Variants in CMYA5 observed in about 807,000 individuals in gnomAD.
The protein encoded by CMYA5 is cardiomyopathy-associated protein 5.
CMYA5 carries 246 observed loss-of-function variants against 318.9 expected under a neutral mutation model. The ratio of observed to expected loss-of-function variants is 0.77; its 90% CI spans 0.70 to 0.86. The LOEUF (loss-of-function observed/expected upper bound fraction) is 0.86. Ranked by LOEUF, CMYA5 falls within the 40% of genes least tolerant of loss-of-function variation. The pLI, the probability that CMYA5 is intolerant of heterozygous loss-of-function variation, is 0.00. For synonymous variants in CMYA5, 1,641 were observed against 1,729.5 expected, an observed-to-expected ratio of 0.95 and a Z score of 1.27; for missense variants, 4,589 against 4,678.2, an observed-to-expected ratio of 0.98 and a Z score of 0.56.
intron 2 of CMYA5, among the ~76,000 whole-genome samples, chr5:79,743,302 C>A (rs909514387): frequency 1.3e-5 from 2 of 152,114 alleles, no homozygotes; most frequent in South Asian, 2.1e-4. Context: ...GTATTTTAAC[C>A]CTTTGAGGGT....
chr5:79,753,272 C>T (rs553343453), intron 6 of CMYA5, among the ~76,000 whole-genome samples: 55 of 152,248 alleles, frequency 3.6e-4, no homozygotes, highest in Admixed American at 3.6e-3. Context: ...CAGCTCAGCA[C>T]CATGGTCTGT....
Position 79,733,848 on chromosome 5 carries a change from C to G in CMYA5, c.5083C>G (p.Pro1695Ala). The change falls in exon 2 of 13, where the codon CCT (proline) becomes GCT (alanine). Residue 1695 changes from proline to alanine, a missense_variant. Physicochemically the swap from Pro to Ala is conservative, Grantham distance 27. This residue lies in a region of CMYA5 where 2,132 missense variants were observed against 2,131.3 expected (regional missense o/e 1.00). Coordinates refer to ENST00000446378, the MANE Select transcript of CMYA5 (RefSeq NM_153610.5). ...AGAGCTTTGTGCATCTTCTACGATGCCTGCAATTTCAGAGCTTTCATCATT... is the reference window on the plus strand; with the variant it reads ...AGAGCTTTGTGCATCTTCTACGATGGCTGCAATTTCAGAGCTTTCATCATT... ...NRELCASSTM[P>A]AISELSSLLR... 1 of 1,613,614 alleles carries G rather than the reference C, an allele frequency of 6.2e-7. No individual in the cohort carries two copies. Among genetic ancestry groups the G allele is most frequent in the Non-Finnish European group, 8.5e-7 (1 of 1,179,816 alleles).
chr5:79,696,771 C>T (rs763272410), intron 1 of CMYA5, among the ~76,000 whole-genome samples: 2 of 152,046 alleles, frequency 1.3e-5, no homozygotes, highest in East Asian at 3.9e-4. Context: ...TTAGGGAGGC[C>T]GAGACGGGCA....
rs1324184935 is a variant in CMYA5, at chr5:79,742,066, T to C, written c.10639-1761T>C. 4.5e-4 allele frequency among the ~76,000 whole-genome samples: 20 copies of C among 44,082 alleles called. No individual in the cohort carries two copies. The African/African-American group carries it at 5.3e-3, about 12-fold the overall frequency. 28.9% of individuals were successfully genotyped at this position (44,082 alleles called of 152,430 possible). On this transcript the variant is annotated intron_variant, in intron 2 of 12. Coordinates refer to ENST00000446378, the MANE Select transcript of CMYA5 (RefSeq NM_153610.5). ...CTTTCTCCTCTTCTTCTTCTTCTTC[T>C]TCTTCTTCTTCTTCTTCTTCTTCTT... is the stretch of plus-strand genomic sequence containing the variant.
Position 79,736,302 on chromosome 5 carries a change from A to G in CMYA5, c.7537A>G (p.Met2513Val), listed in dbSNP as rs952124528. Residue 2513 changes from methionine (M) to valine (V), a missense_variant, in exon 2 of 13, where the codon ATG becomes GTG. This residue lies in a region of CMYA5 where 2,431 missense variants were observed against 2,495.1 expected (regional missense o/e 0.97). Coordinates refer to ENST00000446378, the MANE Select transcript of CMYA5 (RefSeq NM_153610.5). ...TELKESKADA[M>V]PQHFYQNEDY... ...ACTGAAAGAATCAAAAGCCGATGCT[A>G]TGCCACAGCACTTCTATCAAAATGA... The G allele has an allele frequency of 4.3e-6, 7 of 1,613,534 alleles. No individual in the cohort carries two copies. Among genetic ancestry groups the G allele is most frequent in the Non-Finnish European group, 5.1e-6 (6 of 1,179,754 alleles).
In CMYA5 at chr5:79,745,474, G is replaced by A. The variant is rs1828305194; in HGVS notation, c.10968+19G>A. 6.4e-7 allele frequency: 1 copy of A among 1,558,316 alleles called. No homozygotes were observed. Among genetic ancestry groups the A allele is most frequent in the African/African-American group, 1.4e-5 (1 of 73,754 alleles). ...CCTGACTGTAAGTGCCAAGTAAAAT[G>A]GGCTCAAACACCTTGCGCCCACTCT... On this transcript the variant is annotated intron_variant, in intron 4 of 12. Coordinates refer to ENST00000446378, the MANE Select transcript of CMYA5 (RefSeq NM_153610.5).
At position 79,738,610 on chromosome 5, in the gene CMYA5, T is replaced by C. The variant is rs1828141113; in HGVS notation, c.9845T>C (p.Ile3282Thr). 1.2e-6 allele frequency: 2 copies of C among 1,612,920 alleles called. No homozygotes were observed. Among genetic ancestry groups the C allele is most frequent in the South Asian group, 2.2e-5 (2 of 91,038 alleles). The change falls in exon 2 of 13, where the codon ATT becomes ACT. Residue 3282 changes from isoleucine to threonine, a missense_variant. Ile to Thr is a moderately conservative substitution (Grantham distance 89). Transcript: ENST00000446378. Reference protein sequence around the residue: ...SYQPIAAEGEIWGKFGTICRE... With the variant: ...SYQPIAAEGETWGKFGTICRE... ...CAACCGATAGCTGCAGAAGGGGAAATTTGGGGAAAGTTTGGAACTATTTGC... is the reference window on the plus strand; with the variant it reads ...CAACCGATAGCTGCAGAAGGGGAAACTTGGGGAAAGTTTGGAACTATTTGC...
chr5:79,767,420 A>G (rs191326403), intron 9 of CMYA5, among the ~76,000 whole-genome samples: 9 of 152,086 alleles, frequency 5.9e-5, no homozygotes, highest in African/African-American at 2.2e-4. Context: ...GATCTTTCCC[A>G]CTTTCTCTTG....
At position 79,729,346 on chromosome 5, in the gene CMYA5, A is replaced by G; in HGVS notation, c.581A>G (p.Lys194Arg). ...SYTGIYDKARKKKTTSNTPPI... is the reference protein window; with the variant it reads ...SYTGIYDKARRKKTTSNTPPI... ...ACTGGCATTTATGATAAAGCAAGAAAAAAGAAGACCACTTCAAATACACCT... is the reference window on the plus strand; with the variant it reads ...ACTGGCATTTATGATAAAGCAAGAAGAAAGAAGACCACTTCAAATACACCT... Residue 194 changes from lysine (K) to arginine (R), a missense_variant, in exon 2 of 13, where the codon AAA becomes AGA. Physicochemically the swap from Lys to Arg is conservative, Grantham distance 26 (BLOSUM62 2). Transcript: ENST00000446378. The G allele has an allele frequency of 6.2e-7, 1 of 1,612,942 alleles. No homozygotes were observed. Among genetic ancestry groups the G allele is most frequent in the Non-Finnish European group, 8.5e-7 (1 of 1,179,692 alleles).
Position 79,745,399 on chromosome 5 carries a change from AC to A in CMYA5, c.10915del (p.Leu3639TrpfsTer5). 1.2e-6 allele frequency: 2 copies of A among 1,613,908 alleles called. No homozygotes were observed. The highest frequency in any genetic ancestry group is 8.5e-7 in the Non-Finnish European group (1 of 1,179,848). On this transcript the variant is annotated frameshift_variant, in exon 4 of 13. Coordinates refer to ENST00000446378, the MANE Select transcript of CMYA5 (RefSeq NM_153610.5). LOFTEE classifies it high-confidence loss of function. ...FLQSMDTAKDTLETIVREAEE... is the reference protein window; with the variant it reads ...FLQSMDTAKDXLETIVREAEE... Reference sequence around the variant, plus strand: ...GCAGAGCATGGACACTGCCAAAGACACCCTGGAGACCATCGTGAGAGAAGCA... The same window carrying A: ...GCAGAGCATGGACACTGCCAAAGACACCTGGAGACCATCGTGAGAGAAGCA...
intron 1 of CMYA5, among the ~76,000 whole-genome samples, chr5:79,690,605 A>T (rs1241443897): frequency 6.6e-6 from 1 of 152,140 alleles, no homozygotes; most frequent in African/African-American, 2.4e-5. Context: ...CCCAAATATC[A>T]GTTTCCGTGA....
At chr5:79,756,059 A>C (rs1197768011) in intron 6 of CMYA5, among the ~76,000 whole-genome samples, 1 of 152,262 alleles carries the variant, frequency 6.6e-6, no homozygotes, top group Non-Finnish European at 1.5e-5. Flanking sequence ...AAGATGATCG[A>C]CAATCCTTGA....
At chr5:79,767,178 T>G (rs778380429) in intron 9 of CMYA5, among the ~76,000 whole-genome samples, 9 of 152,214 alleles carry the variant, frequency 5.9e-5, no homozygotes, top group Non-Finnish European at 7.3e-5. Flanking sequence ...TTATTGCATC[T>G]ATTTGATTCT....
chr5:79,727,900 T>G (rs141336773), intron 1 of CMYA5, among the ~76,000 whole-genome samples: 163 of 152,332 alleles, frequency 1.1e-3, no homozygotes, highest in African/African-American at 3.7e-3. Flanking sequence ...CTTTCCACAC[T>G]TCTGTATCCT....
At chr5:79,749,158 T>G (rs1408084937) in intron 5 of CMYA5, among the ~76,000 whole-genome samples, 2 of 152,236 alleles carry the variant, frequency 1.3e-5, no homozygotes, top group Non-Finnish European at 2.9e-5. Flanking sequence ...ATTAATTTTT[T>G]GCTAAAGCTG....
rs539256789 is a variant in CMYA5, at chr5:79,769,073, C to T, written c.11555+5864C>T. On this transcript the variant is annotated intron_variant, in intron 9 of 12. Transcript: ENST00000446378. Reference sequence around the variant, plus strand: ...CTTCAGTCTCTGATAACCTTTCTTCCGCTTGATTAATTTGGCTATTGATAC... The same window carrying T: ...CTTCAGTCTCTGATAACCTTTCTTCTGCTTGATTAATTTGGCTATTGATAC... Among the ~76,000 whole-genome samples, 49 of 151,822 alleles carry T rather than the reference C, an allele frequency of 3.2e-4. 1 individual carries two copies. In the South Asian group the frequency reaches 8.1e-3, roughly 25 times the overall value.
Position 79,761,905 on chromosome 5 carries a change from T to C in CMYA5, c.11355T>C (p.Ala3785=), listed in dbSNP as rs746372375. 2 of 1,613,768 alleles carry C rather than the reference T, an allele frequency of 1.2e-6. No homozygotes were observed. The highest frequency in any genetic ancestry group is 1.7e-6 in the Non-Finnish European group (2 of 1,179,788). The change falls in exon 8 of 13, where the codon GCT becomes GCC. Residue 3785 remains alanine (A), a synonymous_variant. Coordinates refer to ENST00000446378, the MANE Select transcript of CMYA5 (RefSeq NM_153610.5). ...GATGCTATCAAGTGTGGGTGATGGCTGTGAACTTCACTGGATGTAGCCTGC... is the reference window on the plus strand; with the variant it reads ...GATGCTATCAAGTGTGGGTGATGGCCGTGAACTTCACTGGATGTAGCCTGC... The part of the protein sequence containing the change: ...PDRCYQVWVM[A]VNFTGCSLPS...
intron 1 of CMYA5, among the ~76,000 whole-genome samples, chr5:79,699,279 T>G (rs1827132753): frequency 6.6e-6 from 1 of 152,250 alleles, no homozygotes; most frequent in South Asian, 2.1e-4. Flanking sequence ...TTCTGTCTGA[T>G]GAACGCCATT....
chr5:79,754,354 C>T (rs747360006), intron 6 of CMYA5, among the ~76,000 whole-genome samples: 2 of 152,160 alleles, frequency 1.3e-5, no homozygotes, highest in Non-Finnish European at 2.9e-5. Flanking sequence ...CATGCTTATA[C>T]GATGGCTGGC....
Sources: allele counts gnomAD v4.1 joint callset (sites outside exome capture counted in the v4.1 genomes callset), GRCh38; gene constraint gnomAD v4.1.1; regional missense constraint gnomAD v4.1.1; transcripts MANE v1.5; gene names NCBI Gene and HGNC (gene_info 2026-07-23, HGNC 2026-07-21).